Variants in ATOSA observed in about 807,000 individuals in gnomAD.
The protein encoded by ATOSA is atos homolog protein A.
chr15:52,687,157 G>A, the ATOSA span, among the ~76,000 whole-genome samples: 1 of 152,210 alleles, frequency 6.6e-6, no homozygotes, highest in Non-Finnish European at 1.5e-5. Context: ...TGTAATCCCA[G>A]CACCTTGGGA....
the ATOSA span, chr15:52,587,410 A>G: frequency 6.0e-6 from 3 of 500,762 alleles, no homozygotes; most frequent in Non-Finnish European, 1.1e-5. Context: ...CCTCCTGGTG[A>G]TGTCGCTATA....
At chr15:52,636,947 TC>T in the ATOSA span, among the ~76,000 whole-genome samples, 1 of 152,166 alleles carries the variant, frequency 6.6e-6, no homozygotes, top group African/African-American at 2.4e-5. Context: ...GGTACTGTAT[TC>T]CACTACCAAT....
chr15:52,623,429 C>T, the ATOSA span, among the ~76,000 whole-genome samples: 1 of 151,898 alleles, frequency 6.6e-6, no homozygotes, highest in Non-Finnish European at 1.5e-5. Flanking sequence ...TTGGGGATCG[C>T]ACGCATTTGG....
the ATOSA span, among the ~76,000 whole-genome samples, chr15:52,636,126 A>C: frequency 2.2e-4 from 8 of 36,702 alleles, no homozygotes; most frequent in Admixed American, 2.0e-3. Flanking sequence ...AAATTTAATA[A>C]ATATATATTA....
the ATOSA span, among the ~76,000 whole-genome samples, chr15:52,654,190 T>C: frequency 2.0e-5 from 3 of 152,088 alleles, no homozygotes; most frequent in Admixed American, 1.3e-4. Flanking sequence ...AAAGAGAATT[T>C]ACAGAAAAAA....
At chr15:52,704,486 A>G in the ATOSA span, among the ~76,000 whole-genome samples, 1 of 152,230 alleles carries the variant, frequency 6.6e-6, no homozygotes, top group African/African-American at 2.4e-5. Flanking sequence ...CAATGGCAAC[A>G]AAACCCAAAA....
chr15:52,651,936 T>C, the ATOSA span: 1 of 1,535,298 alleles, frequency 6.5e-7, no homozygotes, highest in Non-Finnish European at 8.7e-7. Context: ...GGAAGTTGCC[T>C]TCTGGCTATC....
chr15:52,701,196 T>C, the ATOSA span, among the ~76,000 whole-genome samples: 1 of 152,094 alleles, frequency 6.6e-6, no homozygotes, highest in Non-Finnish European at 1.5e-5. Context: ...ATATGGCATA[T>C]GGCCAGGCCT....
the ATOSA span, among the ~76,000 whole-genome samples, chr15:52,604,692 T>C: frequency 6.6e-6 from 1 of 152,222 alleles, no homozygotes; most frequent in Admixed American, 6.5e-5. Context: ...AAAGTGATGC[T>C]TTTAACCACT....
chr15:52,666,505 A>G, the ATOSA span, among the ~76,000 whole-genome samples: 1 of 152,156 alleles, frequency 6.6e-6, no homozygotes, highest in Non-Finnish European at 1.5e-5. Flanking sequence ...TCCCCCAATA[A>G]CCTTGTGAAG....
chr15:52,628,955 T>G, the ATOSA span, among the ~76,000 whole-genome samples: 90 of 152,318 alleles, frequency 5.9e-4, 1 homozygote, highest in Admixed American at 4.1e-3. Flanking sequence ...TCTTCTCCTT[T>G]ATACAATCCT....
the ATOSA span, among the ~76,000 whole-genome samples, chr15:52,617,759 T>G: frequency 9.8e-6 from 1 of 102,372 alleles, no homozygotes; most frequent in Non-Finnish European, 1.7e-5. Context: ...TATTTAAATA[T>G]TTATTTATTA....
chr15:52,703,991 A>G, the ATOSA span, among the ~76,000 whole-genome samples: 7 of 152,234 alleles, frequency 4.6e-5, no homozygotes, highest in Non-Finnish European at 8.8e-5. Flanking sequence ...GGCAAAAAGC[A>G]AAAGAATATC....
At chr15:52,704,759 G>T in the ATOSA span, among the ~76,000 whole-genome samples, 1 of 151,520 alleles carries the variant, frequency 6.6e-6, no homozygotes, top group Admixed American at 6.6e-5. Flanking sequence ...TGAAAAAATG[G>T]TCATCACTGG....
chr15:52,648,052 T>G, the ATOSA span, among the ~76,000 whole-genome samples: 1 of 152,164 alleles, frequency 6.6e-6, no homozygotes, highest in Non-Finnish European at 1.5e-5. Context: ...ATGCTTAAAA[T>G]TCTCAAAATA....
chr15:52,615,564 G>A, the ATOSA span, among the ~76,000 whole-genome samples: 2 of 152,200 alleles, frequency 1.3e-5, no homozygotes, highest in African/African-American at 2.4e-5. Flanking sequence ...GAGAGAAGGT[G>A]CAATTTGAGC....
At chr15:52,702,070 T>G in the ATOSA span, among the ~76,000 whole-genome samples, 1 of 152,160 alleles carries the variant, frequency 6.6e-6, no homozygotes, top group Non-Finnish European at 1.5e-5. Context: ...TTGTATGGGA[T>G]ACCATTTCAT....
chr15:52,622,748 T>C, the ATOSA span, among the ~76,000 whole-genome samples: 1 of 151,692 alleles, frequency 6.6e-6, no homozygotes, highest in South Asian at 2.1e-4. Flanking sequence ...GTGTCAAAGG[T>C]AGGAACGAAT....
chr15:52,624,804 G>A, the ATOSA span, among the ~76,000 whole-genome samples: 1 of 146,822 alleles, frequency 6.8e-6, no homozygotes, highest in East Asian at 2.0e-4. Context: ...TTGAGACGGA[G>A]TCTTGTTCTG....
Sources: allele counts gnomAD v4.1 joint callset (sites outside exome capture counted in the v4.1 genomes callset), GRCh38; gene constraint gnomAD v4.1.1; transcripts MANE v1.5; gene names NCBI Gene and HGNC (gene_info 2026-07-23, HGNC 2026-07-21).